Variants in RBM6 observed in about 807,000 individuals in gnomAD.
RBM6 encodes RNA-binding protein 6.
In RBM6, 23 loss-of-function variants were observed where a neutral mutation model predicts 140.4. The ratio of observed to expected loss-of-function variants is 0.16; its 90% CI spans 0.12 to 0.23. The LOEUF (loss-of-function observed/expected upper bound fraction) is 0.23, where lower values mean the gene tolerates loss of function less well. Among genes scored for constraint, RBM6 ranks in the 10% least tolerant of loss-of-function variants. The probability of loss-of-function intolerance (pLI) is 1.00; values close to 1 mark genes in which losing one functional copy is unlikely to be tolerated. For synonymous variants in RBM6, 439 were observed against 475.6 expected, an observed-to-expected ratio of 0.92 and a Z score of 1.00; for missense variants, 1,139 against 1,386.7, an observed-to-expected ratio of 0.82 and a Z score of 2.84.
chr3:49,976,273 A>C (rs1450547833), intron 5 of RBM6, among the ~76,000 whole-genome samples: 1 of 152,162 alleles, frequency 6.6e-6, no homozygotes, highest in African/African-American at 2.4e-5. Flanking sequence ...TGGGATAAAA[A>C]TTTTGCATTA....
intron 1 of RBM6, among the ~76,000 whole-genome samples, chr3:49,947,418 G>T (rs2083545679): frequency 6.6e-6 from 1 of 152,030 alleles, no homozygotes; most frequent in Non-Finnish European, 1.5e-5. Context: ...TGACAGAGTG[G>T]CCCAGTCTCT....
At chr3:49,986,219 C>T (rs563027943) in intron 5 of RBM6, among the ~76,000 whole-genome samples, 4 of 146,518 alleles carry the variant, frequency 2.7e-5, no homozygotes, top group African/African-American at 9.9e-5. Context: ...ATCTTAAACT[C>T]CTGACCTCAA....
At chr3:50,021,132 G>A (rs187089737) in intron 6 of RBM6, among the ~76,000 whole-genome samples, 2 of 152,102 alleles carry the variant, frequency 1.3e-5, no homozygotes, top group East Asian at 1.9e-4. Flanking sequence ...AATGTGCTGC[G>A]TGAGCTTGAA....
At position 49,977,766 on chromosome 3, in the gene RBM6, A is replaced by C. The variant is rs540212758; in HGVS notation, c.1483+2374A>C. The stretch of plus-strand genomic sequence containing the variant: ...AGCTTAGGTCTTACATATCTGTTGA[A>C]GAATATGTCTTGGAACAATCAGATG... On this transcript the variant is annotated intron_variant, in intron 5 of 20. Transcript: ENST00000266022. Among the ~76,000 whole-genome samples the C allele has an allele frequency of 2.0e-5, 3 of 152,356 alleles. No individual in the cohort carries two copies. The South Asian group carries it at 6.2e-4, about 32-fold the overall frequency.
chr3:50,009,608 G>A lies in RBM6; in HGVS notation c.1557+10095G>A, dbSNP rs189516222. ...GTCTTGCTCTATCACCCAAGCTGGA[G>A]TGCAGCGGCATGATCATGGCTCACT... On this transcript the variant is annotated intron_variant, in intron 6 of 20. Coordinates refer to ENST00000266022, the MANE Select transcript of RBM6 (RefSeq NM_005777.3). Among the ~76,000 whole-genome samples the A allele has an allele frequency of 6.2e-4, 94 of 152,250 alleles. 3 individuals are homozygous for A. Among genetic ancestry groups the A allele is most frequent in the Admixed American group, 5.4e-3 (83 of 15,284 alleles).
chr3:50,005,404 G>T (rs2086526819), intron 6 of RBM6, among the ~76,000 whole-genome samples: 1 of 151,944 alleles, frequency 6.6e-6, no homozygotes, highest in South Asian at 2.1e-4. Flanking sequence ...AGGCTAAAGT[G>T]GGAGGATTGC....
intron 11 of RBM6, 122 bp from the exon 12 acceptor site, chr3:50,060,834 A>AG: frequency 1.2e-6 from 1 of 867,578 alleles, no homozygotes; most frequent in South Asian, 2.5e-5. Context: ...CTTGCTGTCT[A>AG]GGTTGGTTCC....
intron 1 of RBM6, among the ~76,000 whole-genome samples, chr3:49,961,753 A>G (rs2084290778): frequency 1.3e-5 from 2 of 151,402 alleles, no homozygotes; most frequent in Admixed American, 1.3e-4. Flanking sequence ...GGGCTGAGAT[A>G]GTGCCACTGG....
intron 5 of RBM6, among the ~76,000 whole-genome samples, chr3:49,998,285 A>G (rs1157182842): frequency 1.3e-5 from 2 of 152,206 alleles, no homozygotes; most frequent in Non-Finnish European, 2.9e-5. Context: ...ATGCAGTGAT[A>G]TCAGTTTCCT....
At chr3:50,037,813 T>C (rs1252772405) in intron 6 of RBM6, among the ~76,000 whole-genome samples, 1 of 149,702 alleles carries the variant, frequency 6.7e-6, no homozygotes, top group Admixed American at 6.6e-5. Flanking sequence ...AAATTTCTTT[T>C]CTTTCCTTTT....
intron 1 of RBM6, among the ~76,000 whole-genome samples, chr3:49,956,975 AT>A (rs2084022091): frequency 1.3e-5 from 2 of 151,870 alleles, no homozygotes; most frequent in Admixed American, 1.3e-4. Flanking sequence ...TGCTTTTTTA[AT>A]TTTTTATTTA....
Position 49,962,650 on chromosome 3 carries a change from G to A in RBM6, c.9G>A (p.Gly3=), listed in dbSNP as rs1347738988. 1.3e-6 allele frequency: 2 copies of A among 1,581,312 alleles called. No homozygotes were observed. The highest frequency in any genetic ancestry group is 1.2e-5 in the South Asian group (1 of 84,162). Residue 3 remains glycine, a synonymous_variant, in exon 2 of 21, where the codon GGG becomes GGA. Coordinates refer to ENST00000266022, the MANE Select transcript of RBM6 (RefSeq NM_005777.3). ...CCTCTTGATAAAAAGAGATGTGGGG[G>A]GATTCTCGACCTGCTAACAGAACTG... MW[G]DSRPANRTGP... is the part of the protein sequence containing the mutation.
At chr3:49,962,445 AAAAG>A (rs1440921323) in intron 1 of RBM6, 127 bp from the exon 2 acceptor site, 3 of 563,728 alleles carry the variant, frequency 5.3e-6, no homozygotes, top group Non-Finnish European at 9.2e-6. Context: ...AAAAAAAAAG[AAAAG>A]AAAGAAAAGA....
intron 5 of RBM6, among the ~76,000 whole-genome samples, chr3:49,982,322 G>A (rs543000371): frequency 1.9e-4 from 26 of 138,888 alleles, no homozygotes; most frequent in Non-Finnish European, 3.5e-4. Context: ...TGTTGCCCAG[G>A]CTGCCCTTGA....
intron 5 of RBM6, among the ~76,000 whole-genome samples, chr3:49,981,351 A>G (rs1043959662): frequency 1.3e-5 from 2 of 152,158 alleles, no homozygotes; most frequent in Non-Finnish European, 1.5e-5. Flanking sequence ...TGGAATCCAA[A>G]TTCTTAAGCC....
intron 15 of RBM6, 57 bp from the exon 16 acceptor site, chr3:50,064,974 G>A (rs2090069324): frequency 1.4e-6 from 2 of 1,463,894 alleles, no homozygotes; most frequent in Non-Finnish European, 1.9e-6. Flanking sequence ...ACCCAGCCCA[G>A]CCTTTATCAG....
At chr3:49,962,760 A>C in intron 2 of RBM6, 75 bp downstream of exon 2, 1 of 1,336,638 alleles carries the variant, frequency 7.5e-7, no homozygotes, top group Non-Finnish European at 1.0e-6. Flanking sequence ...CCTACTATAA[A>C]TGAAGATATT....
chr3:49,973,113 G>A (rs2084880077), intron 4 of RBM6, among the ~76,000 whole-genome samples: 1 of 151,984 alleles, frequency 6.6e-6, no homozygotes, highest in African/African-American at 2.4e-5. Context: ...TTACAGGCAT[G>A]AGCCACCAAG....
At chr3:50,036,298 G>C (rs1684713834) in intron 6 of RBM6, among the ~76,000 whole-genome samples, 1 of 152,186 alleles carries the variant, frequency 6.6e-6, no homozygotes, top group African/African-American at 2.4e-5. Context: ...GGAGTTTAAA[G>C]GCATCCAAGG....
Sources: gnomAD v4.1 joint callset for allele counts (sites outside exome capture counted in the v4.1 genomes callset) on GRCh38, gnomAD v4.1.1 for gene constraint, MANE v1.5 for transcripts, NCBI Gene and HGNC (gene_info 2026-07-23, HGNC 2026-07-21) for gene names.